The following TM9SF4 variants were observed in gnomAD, a reference collection of about 807,000 sequenced individuals.
TM9SF4 encodes dinucleotide oxidase disulfide thiol exchanger 3 superfamily member 4.
TM9SF4 carries 26 observed loss-of-function variants against 90.4 expected under a neutral mutation model. The observed-to-expected ratio is 0.29, with a 90% CI of 0.21 to 0.40. The LOEUF is 0.40. Ranked by LOEUF, TM9SF4 falls within the 10% of genes least tolerant of loss-of-function variation. The probability of loss-of-function intolerance (pLI) is 1.00; values close to 1 mark genes in which losing one functional copy is unlikely to be tolerated. For synonymous variants in TM9SF4, 293 were observed against 315.4 expected (o/e 0.93, Z 0.75); for missense variants, 549 against 834.8 (o/e 0.66, Z 4.22).
In TM9SF4 at chr20:32,145,368, C is replaced by T. The variant is rs1280311574; in HGVS notation, c.828C>T (p.Val276=). Residue 276 remains valine (V), a synonymous_variant, in exon 8 of 18, where the codon GTC becomes GTT. Transcript: ENST00000398022. ...RWDTYLTMSD[V]QIHWFSIINS... ...ACACTTACCTGACCATGAGTGACGT[C>T]CAGATCCACTGGTTTTCTATCATTA... The T allele has an allele frequency of 6.8e-6, 11 of 1,614,152 alleles. No individual in the cohort carries two copies. Among genetic ancestry groups the T allele is most frequent in the Admixed American group, 1.7e-5 (1 of 60,012 alleles).
At chr20:32,133,288 C>T (rs1302986879) in intron 2 of TM9SF4, among the ~76,000 whole-genome samples, 162 bp downstream of exon 2, 2 of 152,110 alleles carry the variant, frequency 1.3e-5, no homozygotes, top group African/African-American at 4.8e-5. Flanking sequence ...GGTTCTCGGT[C>T]CCCTCTCTGT....
At chr20:32,164,689 C>T (rs1436938133) in intron 17 of TM9SF4, among the ~76,000 whole-genome samples, 2 of 152,206 alleles carry the variant, frequency 1.3e-5, no homozygotes, top group East Asian at 3.8e-4. Context: ...AGTCCTGGGA[C>T]AGGCCCTACT....
At position 32,155,085 on chromosome 20, in the gene TM9SF4, C is replaced by T. The variant is rs754218087; in HGVS notation, c.1246-18C>T. The T allele has an allele frequency of 3.7e-6, 6 of 1,611,916 alleles. No individual in the cohort carries two copies. The highest frequency in any genetic ancestry group is 1.1e-5 in the South Asian group (1 of 91,006). ...GGTCCCTGGATGCTGCTCCTCAACCCGGCCCCTCTTGCTCCAGACGGCAAC... is the reference window on the plus strand; with the variant it reads ...GGTCCCTGGATGCTGCTCCTCAACCTGGCCCCTCTTGCTCCAGACGGCAAC... On this transcript the variant is annotated intron_variant, in intron 12 of 17. Coordinates refer to ENST00000398022, the MANE Select transcript of TM9SF4 (RefSeq NM_014742.4).
chr20:32,110,064 C>T, intron 1 of TM9SF4: 15 of 1,319,026 alleles, frequency 1.1e-5, no homozygotes, highest in African/African-American at 4.5e-5. Flanking sequence ...CCATTTCTCA[C>T]CTCCCTGTCC....
At position 32,165,248 on chromosome 20, in the gene TM9SF4, C is replaced by T. The variant is rs531869325; in HGVS notation, c.1780-47C>T. 61 of 1,610,058 alleles carry T rather than the reference C, an allele frequency of 3.8e-5. No homozygotes were observed. The South Asian group carries it at 6.7e-4, about 18-fold the overall frequency. ...AGTGGGGCCCCAGTTCGCCATGCAG[C>T]CTGGCACTAAGCATGCACCCTGTCT... is the stretch of plus-strand genomic sequence containing the variant. On this transcript the variant is annotated intron_variant, in intron 17 of 17. Coordinates refer to ENST00000398022, the MANE Select transcript of TM9SF4 (RefSeq NM_014742.4).
At chr20:32,123,866 A>ATATGTATATTTTTTTTTTT in intron 1 of TM9SF4, among the ~76,000 whole-genome samples, 1 of 93,980 alleles carries the variant, frequency 1.1e-5, no homozygotes, top group Non-Finnish European at 2.0e-5. Context: ...ATATATATAT[A>ATATGTATATTTTTTTTTTT]TTTTTTTTTT....
At chr20:32,121,701 C>G (rs1280626169) in intron 1 of TM9SF4, among the ~76,000 whole-genome samples, 3 of 152,246 alleles carry the variant, frequency 2.0e-5, no homozygotes, top group Admixed American at 6.5e-5. Flanking sequence ...CTGGCCCGCT[C>G]TCAATGAGCT....
At chr20:32,109,829 C>T (rs2046113700) in intron 1 of TM9SF4, 74 bp downstream of exon 1, 5 of 1,549,330 alleles carry the variant, frequency 3.2e-6, no homozygotes, top group Non-Finnish European at 3.5e-6. Flanking sequence ...TCCAGCACCC[C>T]ATGCCTGGCC....
At chr20:32,153,171 T>C (rs2046868155) in intron 12 of TM9SF4, among the ~76,000 whole-genome samples, 1 of 152,112 alleles carries the variant, frequency 6.6e-6, no homozygotes, top group African/African-American at 2.4e-5. Flanking sequence ...TTTCCCCATC[T>C]CTCCAATGAA....
chr20:32,149,571 G>A (rs951175739), intron 9 of TM9SF4, 63 bp from the exon 10 acceptor site: 2 of 1,611,606 alleles, frequency 1.2e-6, no homozygotes, highest in African/African-American at 1.3e-5. Flanking sequence ...CACCTTGGGG[G>A]TGGTCCCTGC....
At chr20:32,138,897 T>TC (rs1226134563) in intron 3 of TM9SF4, among the ~76,000 whole-genome samples, 1 of 152,182 alleles carries the variant, frequency 6.6e-6, no homozygotes, top group Non-Finnish European at 1.5e-5. Context: ...CACCACCCCC[T>TC]CATATCACCA....
At chr20:32,123,484 T>C (rs1206611312) in intron 1 of TM9SF4, among the ~76,000 whole-genome samples, 1 of 151,308 alleles carries the variant, frequency 6.6e-6, no homozygotes, top group Non-Finnish European at 1.5e-5. Context: ...ATTTGAGCTT[T>C]TTTTTTTAAC....
intron 1 of TM9SF4, among the ~76,000 whole-genome samples, chr20:32,118,732 C>T (rs2046264021): frequency 6.6e-6 from 1 of 152,052 alleles, no homozygotes; most frequent in Non-Finnish European, 1.5e-5. Flanking sequence ...ACCTCCCAGG[C>T]TCAAGTGATC....
intron 1 of TM9SF4, among the ~76,000 whole-genome samples, chr20:32,128,715 A>AG (rs2046460478): frequency 3.9e-5 from 6 of 152,056 alleles, no homozygotes; most frequent in African/African-American, 7.3e-5. Context: ...ACGTAAGATA[A>AG]TAGTCTCCAG....
Position 32,146,821 on chromosome 20 carries a change from A to G in TM9SF4, c.920A>G (p.Lys307Arg). The G allele has an allele frequency of 1.2e-6, 2 of 1,614,074 alleles. No homozygotes were observed. Among genetic ancestry groups the G allele is most frequent in the Non-Finnish European group, 1.7e-6 (2 of 1,179,992 alleles). ...LSMIIIRTLR[K>R]DIANYNKEDD... is the part of the protein sequence containing the mutation. ...ATGATTATCATTCGGACCCTCCGGA[A>G]GGACATTGCCAACTACAACAAGGAG... Residue 307 changes from lysine to arginine, a missense_variant, in exon 9 of 18, where the codon AAG (lysine) becomes AGG (arginine). Coordinates refer to ENST00000398022, the MANE Select transcript of TM9SF4 (RefSeq NM_014742.4).
At chr20:32,154,006 T>C (rs905417016) in intron 12 of TM9SF4, among the ~76,000 whole-genome samples, 3 of 152,138 alleles carry the variant, frequency 2.0e-5, no homozygotes, top group Non-Finnish European at 4.4e-5. Flanking sequence ...TGGTAGACTT[T>C]CCTTCCAGAC....
intron 5 of TM9SF4, 112 bp from the exon 6 acceptor site, chr20:32,142,868 AGT>A: frequency 8.6e-6 from 12 of 1,391,062 alleles, no homozygotes; most frequent in Non-Finnish European, 1.2e-5. Flanking sequence ...TGATGAGAAC[AGT>A]GTTTTAGGAA....
intron 1 of TM9SF4, among the ~76,000 whole-genome samples, chr20:32,116,988 G>A (rs892892039): frequency 1.3e-5 from 2 of 149,674 alleles, no homozygotes; most frequent in East Asian, 1.9e-4. Flanking sequence ...GGGAAATGCC[G>A]AGGTCGGAGT....
At chr20:32,132,513 A>G (rs1300695109) in intron 1 of TM9SF4, among the ~76,000 whole-genome samples, 2 of 152,190 alleles carry the variant, frequency 1.3e-5, no homozygotes, top group Non-Finnish European at 2.9e-5. Flanking sequence ...CAGGACAACA[A>G]GGAGGCCCGT....
Sources: allele counts gnomAD v4.1 joint callset (sites outside exome capture counted in the v4.1 genomes callset), GRCh38; gene constraint gnomAD v4.1.1; transcripts MANE v1.5; gene names NCBI Gene and HGNC (gene_info 2026-07-23, HGNC 2026-07-21).